The following AGMO variants were observed in gnomAD, a reference collection of about 807,000 sequenced individuals.
AGMO encodes the protein alkylglycerol monooxygenase, also known as glyceryl-ether monooxygenase.
AGMO carries 75 observed loss-of-function variants against 60.2 expected under a neutral mutation model. That is an observed-to-expected ratio of 1.25 (90% CI 1.03 to 1.51). The LOEUF (loss-of-function observed/expected upper bound fraction) is 1.51. Ranked by LOEUF, AGMO falls within the 40% of genes most tolerant of loss-of-function variation. AGMO has a pLI of 0.00. For synonymous variants in AGMO, 261 were observed against 177.1 expected, an observed-to-expected ratio of 1.47 and a Z score of -3.76; for missense variants, 763 against 525.5, an observed-to-expected ratio of 1.45 and a Z score of -4.42.
At chr7:15,226,218 G>C (rs1782077034) in intron 12 of AGMO, among the ~76,000 whole-genome samples, 1 of 151,964 alleles carries the variant, frequency 6.6e-6, no homozygotes, top group Non-Finnish European at 1.5e-5. Flanking sequence ...CATGGCATCT[G>C]ATAACAAACT....
the AGMO span, among the ~76,000 whole-genome samples, chr7:15,117,741 T>C: frequency 4.6e-5 from 7 of 152,060 alleles, no homozygotes; most frequent in African/African-American, 1.7e-4. Context: ...CTTTCTTATC[T>C]ACTGTTACGT....
chr7:15,457,784 G>A (rs6461180), intron 3 of AGMO, among the ~76,000 whole-genome samples: 120,791 of 152,044 alleles, frequency 0.79, 48,990 homozygotes, highest in African/African-American at 0.87. Context: ...AATCTGAAGA[G>A]TACCTTACAC....
chr7:15,298,414 A>T (rs1388367290), intron 12 of AGMO, among the ~76,000 whole-genome samples: 2 of 151,982 alleles, frequency 1.3e-5, no homozygotes, highest in Non-Finnish European at 2.9e-5. Flanking sequence ...TTTGTTTTTG[A>T]GACAGGGTCT....
intron 12 of AGMO, among the ~76,000 whole-genome samples, chr7:15,360,141 C>G (rs1782692029): frequency 6.6e-6 from 1 of 152,148 alleles, no homozygotes; most frequent in Non-Finnish European, 1.5e-5. Context: ...GTCCACCCAC[C>G]AAGGTAGGTA....
chr7:15,506,399 C>T (rs1237523032), intron 3 of AGMO, among the ~76,000 whole-genome samples: 1 of 152,032 alleles, frequency 6.6e-6, no homozygotes, highest in Non-Finnish European at 1.5e-5. Context: ...AGAGGCCATG[C>T]TCATAAACAG....
At chr7:15,532,150 T>C (rs2128542961) in intron 3 of AGMO, among the ~76,000 whole-genome samples, 1 of 152,328 alleles carries the variant, frequency 6.6e-6, no homozygotes, top group East Asian at 1.9e-4. Flanking sequence ...TCAGTAAATG[T>C]TTTGAAAACC....
At chr7:15,243,815 C>T (rs1782664668) in intron 12 of AGMO, among the ~76,000 whole-genome samples, 1 of 152,048 alleles carries the variant, frequency 6.6e-6, no homozygotes, top group South Asian at 2.1e-4. Context: ...ACCTCTAAGC[C>T]ACTTGTCCGG....
intron 3 of AGMO, among the ~76,000 whole-genome samples, chr7:15,435,528 G>A (rs1429346329): frequency 6.6e-6 from 1 of 152,004 alleles, no homozygotes; most frequent in Admixed American, 6.6e-5. Context: ...TCTTCTTTTT[G>A]AAGTGTCTAT....
intron 12 of AGMO, among the ~76,000 whole-genome samples, chr7:15,330,850 G>A (rs979793612): frequency 4.6e-5 from 7 of 151,768 alleles, no homozygotes; most frequent in African/African-American, 1.7e-4. Flanking sequence ...GTAGAAATCC[G>A]CTGACAAACT....
At chr7:15,441,795 G>A (rs953099735) in intron 3 of AGMO, among the ~76,000 whole-genome samples, 1 of 152,078 alleles carries the variant, frequency 6.6e-6, no homozygotes, top group South Asian at 2.1e-4. Context: ...AAAACAACCA[G>A]GAATTCTTAG....
chr7:15,509,029 T>G (rs1783603629), intron 3 of AGMO, among the ~76,000 whole-genome samples: 1 of 152,224 alleles, frequency 6.6e-6, no homozygotes, highest in Admixed American at 6.5e-5. Context: ...CTACAGCCCT[T>G]AAAATTCTGG....
At chr7:15,257,529 A>G (rs1783132461) in intron 12 of AGMO, among the ~76,000 whole-genome samples, 1 of 152,230 alleles carries the variant, frequency 6.6e-6, no homozygotes, top group Non-Finnish European at 1.5e-5. Context: ...AAAAAAAGAT[A>G]AACTTCTACA....
intron 12 of AGMO, among the ~76,000 whole-genome samples, chr7:15,282,056 A>G (rs916479079): frequency 2.0e-5 from 3 of 152,174 alleles, no homozygotes; most frequent in African/African-American, 7.2e-5. Flanking sequence ...AGGAAAAATA[A>G]AGAAATTTTA....
intron 12 of AGMO, among the ~76,000 whole-genome samples, chr7:15,276,903 T>C (rs1408566656): frequency 1.3e-5 from 2 of 151,944 alleles, no homozygotes; most frequent in Non-Finnish European, 2.9e-5. Context: ...TTTTTTTTTT[T>C]TTTAAGATAT....
At chr7:15,445,962 A>G (rs1265639789) in intron 3 of AGMO, among the ~76,000 whole-genome samples, 2 of 152,214 alleles carry the variant, frequency 1.3e-5, no homozygotes, top group Non-Finnish European at 2.9e-5. Context: ...AAAAATAACA[A>G]TTTCCTTGGA....
At chr7:15,394,086 A>G (rs749508611) in intron 6 of AGMO, 27 bp downstream of exon 6, 113 of 1,550,420 alleles carry the variant, frequency 7.3e-5, no homozygotes, top group Non-Finnish European at 9.8e-5. Context: ...AAATGAAGAA[A>G]AGAGAGAAGA....
intron 12 of AGMO, among the ~76,000 whole-genome samples, chr7:15,218,411 T>C (rs1179183874): frequency 6.6e-6 from 1 of 151,560 alleles, no homozygotes; most frequent in African/African-American, 2.4e-5. Context: ...TTTTAGTTCT[T>C]TTAATGATGA....
At chr7:15,412,098 GA>G (rs1391207173) in intron 5 of AGMO, among the ~76,000 whole-genome samples, 2 of 152,186 alleles carry the variant, frequency 1.3e-5, no homozygotes, top group African/African-American at 4.8e-5. Flanking sequence ...GTTAGCTTCT[GA>G]AAACTTCTGC....
intron 12 of AGMO, among the ~76,000 whole-genome samples, chr7:15,289,970 T>G (rs1161926374): frequency 2.1e-5 from 2 of 93,782 alleles, no homozygotes; most frequent in Non-Finnish European, 4.6e-5. Flanking sequence ...TTTTTTTTTT[T>G]AGATGGAGTC....
Sources: gnomAD v4.1 joint callset for allele counts (sites outside exome capture counted in the v4.1 genomes callset) on GRCh38, gnomAD v4.1.1 for gene constraint, MANE v1.5 for transcripts, NCBI Gene and HGNC (gene_info 2026-07-23, HGNC 2026-07-21) for gene names.